The following SSBP2 variants were observed in gnomAD, a reference collection of about 807,000 sequenced individuals.
SSBP2 encodes single-stranded DNA-binding protein 2.
A neutral mutation model predicts 61.8 loss-of-function variants in SSBP2; 17 were observed. That is an observed-to-expected ratio of 0.28 (90% CI 0.19 to 0.41). The LOEUF is 0.41. Ranked by LOEUF, SSBP2 falls within the 10% of genes least tolerant of loss-of-function variation. The pLI is 1.00. For missense variants in SSBP2, 310 were observed against 458.7 expected (o/e 0.68, Z 2.96); for synonymous variants, 139 against 141.3 (o/e 0.98, Z 0.12).
chr5:81,575,255 G>A (rs1011531230), intron 4 of SSBP2, among the ~76,000 whole-genome samples: 4 of 152,094 alleles, frequency 2.6e-5, no homozygotes, highest in African/African-American at 9.7e-5. Flanking sequence ...GTGACAGAGC[G>A]AGACTTCGTC....
intron 4 of SSBP2, among the ~76,000 whole-genome samples, chr5:81,522,901 C>T (rs183025916): frequency 6.6e-6 from 1 of 152,096 alleles, no homozygotes; most frequent in East Asian, 1.9e-4. Context: ...GTATTCAATC[C>T]TTTAGGCTTC....
chr5:81,447,699 A>G (rs927149101), intron 11 of SSBP2, among the ~76,000 whole-genome samples: 4 of 152,184 alleles, frequency 2.6e-5, no homozygotes, highest in Non-Finnish European at 5.9e-5. Flanking sequence ...TCAGGGTGGT[A>G]TGGCTATAGA....
intron 10 of SSBP2, among the ~76,000 whole-genome samples, chr5:81,451,880 G>A (rs1763797733): frequency 6.6e-6 from 1 of 152,126 alleles, no homozygotes; most frequent in Non-Finnish European, 1.5e-5. Context: ...TTTGGCTTAT[G>A]CTGTTTCTAC....
intron 3 of SSBP2, among the ~76,000 whole-genome samples, chr5:81,622,616 T>C (rs533238447): frequency 6.6e-6 from 1 of 151,682 alleles, no homozygotes; most frequent in South Asian, 2.1e-4. Flanking sequence ...ATCAATAATA[T>C]CATCAACACT....
At chr5:81,454,252 C>T (rs536964277) in intron 10 of SSBP2, among the ~76,000 whole-genome samples, 5 of 152,222 alleles carry the variant, frequency 3.3e-5, no homozygotes, top group Admixed American at 6.5e-5. Flanking sequence ...CTAGAGCCTT[C>T]GGATTGTCTT....
At chr5:81,713,662 G>A (rs1754957893) in intron 1 of SSBP2, among the ~76,000 whole-genome samples, 1 of 152,016 alleles carries the variant, frequency 6.6e-6, no homozygotes, top group South Asian at 2.1e-4. Context: ...CAGAGGCACA[G>A]AACTACTACT....
chr5:81,456,628 T>A (rs1408325705), intron 10 of SSBP2, among the ~76,000 whole-genome samples: 2 of 151,068 alleles, frequency 1.3e-5, no homozygotes, highest in African/African-American at 2.4e-5. Context: ...AATTAGGGAG[T>A]TTGTAAATAA....
intron 12 of SSBP2, among the ~76,000 whole-genome samples, chr5:81,446,297 A>T (rs1763396983): frequency 6.6e-6 from 1 of 152,168 alleles, no homozygotes; most frequent in Admixed American, 6.5e-5. Flanking sequence ...AAATGATAAA[A>T]CTATTTAAAG....
intron 13 of SSBP2, 23 bp from the exon 14 acceptor site, chr5:81,440,659 C>A: frequency 6.5e-7 from 1 of 1,531,000 alleles, no homozygotes. Context: ...TGAAGAAAAT[C>A]ACTGTAATCA....
At chr5:81,668,284 G>GA (rs952846554) in intron 1 of SSBP2, among the ~76,000 whole-genome samples, 2 of 122,700 alleles carry the variant, frequency 1.6e-5, no homozygotes, top group East Asian at 4.4e-4. Flanking sequence ...CAGGAAAAAG[G>GA]AAAAAAAGTT....
At chr5:81,634,430 T>C (rs1325547719) in intron 3 of SSBP2, among the ~76,000 whole-genome samples, 1 of 152,144 alleles carries the variant, frequency 6.6e-6, no homozygotes, top group Non-Finnish European at 1.5e-5. Flanking sequence ...CTCCCTAAGA[T>C]GTACGAAATC....
At chr5:81,571,510 A>G (rs1051363861) in intron 4 of SSBP2, among the ~76,000 whole-genome samples, 2 of 152,174 alleles carry the variant, frequency 1.3e-5, no homozygotes, top group African/African-American at 2.4e-5. Flanking sequence ...TGTTCAACTT[A>G]TAATGACCTA....
At chr5:81,554,678 G>A (rs1479181387) in intron 4 of SSBP2, among the ~76,000 whole-genome samples, 3 of 151,996 alleles carry the variant, frequency 2.0e-5, no homozygotes, top group Non-Finnish European at 4.4e-5. Flanking sequence ...AGAAAAAGAG[G>A]TTTAGAATTG....
At chr5:81,644,529 G>A (rs1366616548) in intron 2 of SSBP2, among the ~76,000 whole-genome samples, 2 of 152,184 alleles carry the variant, frequency 1.3e-5, no homozygotes, top group African/African-American at 4.8e-5. Flanking sequence ...CTGTAGCAAG[G>A]AGACCACAGA....
chr5:81,604,831 C>A (rs973460743), intron 4 of SSBP2, among the ~76,000 whole-genome samples: 2 of 152,016 alleles, frequency 1.3e-5, no homozygotes, highest in African/African-American at 2.4e-5. Context: ...AAAACAAAAT[C>A]TTAATTTCTT....
At chr5:81,666,058 T>A (rs974276339) in intron 1 of SSBP2, among the ~76,000 whole-genome samples, 1 of 152,146 alleles carries the variant, frequency 6.6e-6, no homozygotes, top group African/African-American at 2.4e-5. Flanking sequence ...CAACCTGCTG[T>A]TAAGGAGGTG....
At chr5:81,636,709 G>T in intron 2 of SSBP2, 91 bp from the exon 3 acceptor site, 1 of 965,222 alleles carries the variant, frequency 1.0e-6, no homozygotes, top group Non-Finnish European at 1.5e-6. Flanking sequence ...AAATACTATA[G>T]TAATATTTGA....
intron 1 of SSBP2, among the ~76,000 whole-genome samples, chr5:81,728,222 G>A (rs942925376): frequency 6.6e-6 from 1 of 152,138 alleles, no homozygotes; most frequent in Admixed American, 6.5e-5. Context: ...AGGAACAGAT[G>A]ACTTTTTCTT....
At chr5:81,528,669 T>A (rs1770148112) in intron 4 of SSBP2, among the ~76,000 whole-genome samples, 1 of 152,078 alleles carries the variant, frequency 6.6e-6, no homozygotes. Context: ...AAATAATCAT[T>A]TATTTCATTG....
Sources: gnomAD v4.1 joint callset for allele counts (sites outside exome capture counted in the v4.1 genomes callset) on GRCh38, gnomAD v4.1.1 for gene constraint, MANE v1.5 for transcripts, NCBI Gene and HGNC (gene_info 2026-07-23, HGNC 2026-07-21) for gene names.